ZRANB1: variants seen among roughly 807,000 people sequenced by gnomAD.
The protein encoded by ZRANB1 is ubiquitin thioesterase ZRANB1.
Under a neutral mutation model 80.5 loss-of-function variants are expected in ZRANB1, and 16 were observed. That is an observed-to-expected ratio of 0.20 (90% CI 0.13 to 0.30). The LOEUF is 0.30. Among genes scored for constraint, ZRANB1 ranks in the 10% least tolerant of loss-of-function variants. The pLI, the probability that ZRANB1 is intolerant of heterozygous loss-of-function variation, is 1.00. For missense variants in ZRANB1, 576 were observed against 862.6 expected, an observed-to-expected ratio of 0.67 and a Z score of 4.16; for synonymous variants, 291 against 293.1, an observed-to-expected ratio of 0.99 and a Z score of 0.07.
At chr10:124,954,153 T>TTTG (rs1329338104) in intron 1 of ZRANB1, among the ~76,000 whole-genome samples, 1 of 141,026 alleles carries the variant, frequency 7.1e-6, no homozygotes, top group Non-Finnish European at 1.5e-5. Context: ...TTTTTTTTTT[T>TTTG]TTTTTTTTTT....
intron 5 of ZRANB1, among the ~76,000 whole-genome samples, chr10:124,977,565 G>T (rs1951888873): frequency 6.6e-6 from 1 of 151,850 alleles, no homozygotes; most frequent in South Asian, 2.1e-4. Context: ...ACAAAATTTA[G>T]CCAGGCGTGG....
the ZRANB1 span, among the ~76,000 whole-genome samples, chr10:124,920,410 A>G: frequency 6.6e-6 from 1 of 152,166 alleles, no homozygotes; most frequent in African/African-American, 2.4e-5. Flanking sequence ...ACATCACAAC[A>G]TAAAGACTTA....
At chr10:124,963,554 GTTTTTTTTTT>G (rs760813299) in intron 1 of ZRANB1, among the ~76,000 whole-genome samples, 3 of 57,528 alleles carry the variant, frequency 5.2e-5, no homozygotes, top group African/African-American at 1.9e-4. Context: ...TTTTTTGTTT[GTTTTTTTTTT>G]TTTTTTTTTT....
intron 1 of ZRANB1, among the ~76,000 whole-genome samples, chr10:124,959,021 C>T (rs892459137): frequency 3.3e-5 from 5 of 152,274 alleles, no homozygotes; most frequent in Admixed American, 3.3e-4. Context: ...TTTCTTTGTT[C>T]ATTCATTCAT....
the ZRANB1 span, among the ~76,000 whole-genome samples, chr10:124,918,255 A>T: frequency 7.9e-5 from 12 of 152,196 alleles, no homozygotes; most frequent in African/African-American, 2.9e-4. Context: ...CAGTGGCGCT[A>T]TCTCGGCTCA....
intron 1 of ZRANB1, among the ~76,000 whole-genome samples, chr10:124,947,649 C>T (rs1281176674): frequency 6.6e-6 from 1 of 152,158 alleles, no homozygotes; most frequent in East Asian, 1.9e-4. Flanking sequence ...GAACTGATCT[C>T]TCCTTCAAAT....
upstream of ZRANB1, among the ~76,000 whole-genome samples, chr10:124,937,432 C>T (rs1328702847): frequency 6.6e-6 from 1 of 151,414 alleles, no homozygotes. Flanking sequence ...GTGATCCACC[C>T]GCCTCGGCCT....
chr10:124,979,754 C>T (rs1589856040), intron 5 of ZRANB1, among the ~76,000 whole-genome samples: 1 of 152,062 alleles, frequency 6.6e-6, no homozygotes, highest in South Asian at 2.1e-4. Flanking sequence ...CCAGTTGTTT[C>T]GGTACCTTTA....
the ZRANB1 span, among the ~76,000 whole-genome samples, chr10:124,930,433 T>G: frequency 1.1e-4 from 17 of 152,272 alleles, no homozygotes; most frequent in South Asian, 3.1e-3. Context: ...ATCCAGCTAA[T>G]TTTTGTATTT....
At position 124,981,719 on chromosome 10, in the gene ZRANB1, C is replaced by T. The variant is rs779544598; in HGVS notation, c.1438C>T (p.Arg480Cys). ...LHDCSHWFYT[R>C]WKDWESWYSQ... ...ATCCTGCTTTTTTAGGTTTTACACA[C>T]GCTGGAAAGATTGGGAATCATGGTA... Residue 480 changes from arginine to cysteine, a missense_variant, in exon 6 of 9, where the codon CGC becomes TGC. Physicochemically the swap from Arg to Cys is radical, Grantham distance 180 (BLOSUM62 -3). Transcript: ENST00000359653. The T allele has an allele frequency of 3.7e-6, 6 of 1,611,066 alleles. No homozygotes were observed. The highest frequency in any genetic ancestry group is 1.1e-5 in the South Asian group (1 of 90,262).
At chr10:124,981,919 T>C in intron 6 of ZRANB1, 90 bp downstream of exon 6, 1 of 1,513,012 alleles carries the variant, frequency 6.6e-7, no homozygotes, top group Non-Finnish European at 9.0e-7. Flanking sequence ...TTGGGGGCAA[T>C]GTGGTCAAAG....
Position 124,942,871 on chromosome 10 carries a change from C to G in ZRANB1, c.378C>G (p.Gly126=). The change falls in exon 1 of 9, where the codon GGC becomes GGG. Residue 126 remains glycine (G), a synonymous_variant. Coordinates refer to ENST00000359653, the MANE Select transcript of ZRANB1 (RefSeq NM_017580.3). ...PTESPQSSGS[G]SRPVAFSVDP... Reference sequence around the variant, plus strand: ...AATCTCCTCAGTCCTCAGGATCTGGCTCAAGACCAGTTGCTTTTTCTGTTG... The same window carrying G: ...AATCTCCTCAGTCCTCAGGATCTGGGTCAAGACCAGTTGCTTTTTCTGTTG... 6.2e-7 allele frequency: 1 copy of G among 1,614,210 alleles called. No individual in the cohort carries two copies. The highest frequency in any genetic ancestry group is 8.5e-7 in the Non-Finnish European group (1 of 1,180,042).
intron 2 of ZRANB1, among the ~76,000 whole-genome samples, chr10:124,968,859 TA>T (rs1951797749): frequency 6.6e-6 from 1 of 152,190 alleles, no homozygotes; most frequent in Non-Finnish European, 1.5e-5. Context: ...TTTATTGCAG[TA>T]TCACAGATTG....
chr10:124,987,433 T>C lies in ZRANB1; in HGVS notation c.*2441T>C, dbSNP rs1442968797. On this transcript the variant is annotated 3_prime_UTR_variant, in exon 9 of 9. Coordinates refer to ENST00000359653, the MANE Select transcript of ZRANB1 (RefSeq NM_017580.3). ...AATTAAAACCCAGGTGGACCATGGATTCAGACCTGCCTTTTTATGTTTTTG... is the reference window on the plus strand; with the variant it reads ...AATTAAAACCCAGGTGGACCATGGACTCAGACCTGCCTTTTTATGTTTTTG... The C allele has an allele frequency of 6.6e-6, 1 of 152,114 alleles. No homozygotes were observed. Among genetic ancestry groups the C allele is most frequent in the Non-Finnish European group, 1.5e-5 (1 of 68,030 alleles). 9.4% of individuals were successfully genotyped at this position (152,114 alleles called of 1,614,324 possible).
intron 1 of ZRANB1, among the ~76,000 whole-genome samples, chr10:124,954,211 C>T (rs1006741290): frequency 7.9e-6 from 1 of 126,028 alleles, no homozygotes; most frequent in Non-Finnish European, 1.6e-5. Flanking sequence ...GTCTCAAACT[C>T]ATGGGGTCAA....
At chr10:124,917,203 G>C in the ZRANB1 span, 1 of 172,436 alleles carries the variant, frequency 5.8e-6, no homozygotes, top group African/African-American at 2.4e-5. Flanking sequence ...CGCCGCCGCC[G>C]CCGCCGCCGC....
upstream of ZRANB1, among the ~76,000 whole-genome samples, chr10:124,940,286 A>G (rs1951523270): frequency 6.6e-6 from 1 of 152,284 alleles, no homozygotes. Context: ...TAGGGTTAAA[A>G]TAGAGAATTG....
intron 5 of ZRANB1, among the ~76,000 whole-genome samples, chr10:124,979,192 C>T (rs1362427638): frequency 6.6e-6 from 1 of 152,184 alleles, no homozygotes; most frequent in Non-Finnish European, 1.5e-5. Context: ...AACTCCTGGG[C>T]TCAGGTGATC....
At chr10:124,920,795 T>C in the ZRANB1 span, among the ~76,000 whole-genome samples, 1 of 152,152 alleles carries the variant, frequency 6.6e-6, no homozygotes, top group Non-Finnish European at 1.5e-5. Flanking sequence ...TTTTTATGTT[T>C]CTATTTTGCT....
Sources: gnomAD v4.1 joint callset for allele counts (sites outside exome capture counted in the v4.1 genomes callset) on GRCh38, gnomAD v4.1.1 for gene constraint, MANE v1.5 for transcripts, NCBI Gene and HGNC (gene_info 2026-07-23, HGNC 2026-07-21) for gene names.